ABCA12: variants seen among roughly 807,000 people sequenced by gnomAD.
ABCA12 encodes the protein ATP binding cassette subfamily A member 12.
In ABCA12, 156 loss-of-function variants were observed where a neutral mutation model predicts 293.5. The observed-to-expected ratio is 0.53, with a 90% CI of 0.47 to 0.61. The LOEUF (loss-of-function observed/expected upper bound fraction) is 0.61, where lower values mean the gene tolerates loss of function less well. Ranked by LOEUF, ABCA12 falls within the 20% of genes least tolerant of loss-of-function variation. The probability of loss-of-function intolerance (pLI) is 0.00; values close to 1 mark genes in which losing one functional copy is unlikely to be tolerated. For synonymous variants in ABCA12, 1,063 were observed against 1,108.0 expected, an observed-to-expected ratio of 0.96 and a Z score of 0.81; for missense variants, 2,797 against 3,090.2, an observed-to-expected ratio of 0.91 and a Z score of 2.25.
Position 214,982,401 on chromosome 2 carries a change from G to C in ABCA12, c.4383-18C>G. 1 of 1,598,706 alleles carries C rather than the reference G, an allele frequency of 6.3e-7. No homozygotes were observed. The highest frequency in any genetic ancestry group is 8.6e-7 in the Non-Finnish European group (1 of 1,166,818). On this transcript the variant is annotated intron_variant, in intron 29 of 52. Transcript: ENST00000272895. ...TTAAAGTCCTTCAAAAATAATGTAT[G>C]ATGGTTATTTTTTTACAGATATACT...
At chr2:215,076,211 C>T (rs113588091) in intron 2 of ABCA12, among the ~76,000 whole-genome samples, 235 of 152,258 alleles carry the variant, frequency 1.5e-3, no homozygotes, top group African/African-American at 5.0e-3. Flanking sequence ...TTATGTGACC[C>T]GTGGCTTGCT....
chr2:215,027,346 AAAAAAAAAG>A (rs1473735443), intron 9 of ABCA12, among the ~76,000 whole-genome samples: 1 of 149,892 alleles, frequency 6.7e-6, no homozygotes, highest in Non-Finnish European at 1.5e-5. Context: ...ACTCCATCTC[AAAAAAAAAG>A]AAAAAAAAGA....
chr2:215,074,047 C>T (rs1028220036), intron 2 of ABCA12, among the ~76,000 whole-genome samples: 5 of 152,124 alleles, frequency 3.3e-5, no homozygotes, highest in Non-Finnish European at 5.9e-5. Flanking sequence ...GATTACAGAA[C>T]ATGTCTTCCT....
At position 214,983,809 on chromosome 2, in the gene ABCA12, T is replaced by G; in HGVS notation, c.4220A>C (p.Lys1407Thr). The G allele has an allele frequency of 6.2e-7, 1 of 1,614,108 alleles. No homozygotes were observed. The highest frequency in any genetic ancestry group is 8.5e-7 in the Non-Finnish European group (1 of 1,180,024). Residue 1407 changes from lysine to threonine, a missense_variant, in exon 29 of 53, where the codon AAA (lysine) becomes ACA (threonine). Physicochemically the swap from Lys to Thr is moderately conservative, Grantham distance 78. Transcript: ENST00000272895. ...CGTGTGTAGGTCTGTTTTGATATCT[T>G]TTCCATATACAAAAATGGTGCCTGC... Reference protein sequence around the residue: ...ASAGTIFVYGKDIKTDLHTVR... With the variant: ...ASAGTIFVYGTDIKTDLHTVR...
At chr2:214,991,080 A>C in intron 23 of ABCA12, 49 bp from the exon 24 acceptor site, 1 of 1,526,482 alleles carries the variant, frequency 6.6e-7, no homozygotes, top group Non-Finnish European at 9.1e-7. Context: ...TATTCTTCCA[A>C]ATAAAAATTA....
At chr2:214,987,626 C>T (rs750294360) in intron 27 of ABCA12, 21 bp downstream of exon 27, 7 of 1,606,600 alleles carry the variant, frequency 4.4e-6, no homozygotes, top group Non-Finnish European at 5.1e-6. Context: ...ACAAAGCACG[C>T]TGTTGACCGA....
chr2:214,970,347 C>T lies in ABCA12; in HGVS notation c.5616G>A (p.Gln1872=), dbSNP rs1402583881. The T allele has an allele frequency of 1.2e-6, 2 of 1,612,982 alleles. No homozygotes were observed. Among genetic ancestry groups the T allele is most frequent in the Non-Finnish European group, 1.7e-6 (2 of 1,179,322 alleles). The change falls in exon 37 of 53, where the codon CAG becomes CAA. Residue 1872 remains glutamine (Q), a synonymous_variant. Transcript: ENST00000272895. ...SPPHRRTYSS[Q]VIYNLTGQRV... is the part of the protein sequence containing the mutation. The stretch of plus-strand genomic sequence containing the variant: ...GTTGCCCAGTGAGGTTATAAATTAC[C>T]TGGGATGAGTAAGTTCTTCTGTGCG...
At chr2:214,961,347 A>G (rs981893755) in intron 39 of ABCA12, among the ~76,000 whole-genome samples, 1 of 152,114 alleles carries the variant, frequency 6.6e-6, no homozygotes, top group African/African-American at 2.4e-5. Context: ...TTAGGGTCAA[A>G]ATAAACTTTT....
At chr2:215,040,278 C>T (rs548151787) in intron 7 of ABCA12, among the ~76,000 whole-genome samples, 151 of 152,018 alleles carry the variant, frequency 9.9e-4, no homozygotes, top group African/African-American at 3.4e-3. Flanking sequence ...GCAAACTATA[C>T]AATGGTAGAA....
intron 2 of ABCA12, among the ~76,000 whole-genome samples, chr2:215,106,526 T>C (rs1702467137): frequency 6.6e-6 from 1 of 152,170 alleles, no homozygotes; most frequent in Non-Finnish European, 1.5e-5. Context: ...ATAATAACCA[T>C]GTGAACCTTG....
chr2:215,129,492 A>T (rs2105915851), intron 1 of ABCA12, among the ~76,000 whole-genome samples: 1 of 152,176 alleles, frequency 6.6e-6, no homozygotes, highest in South Asian at 2.1e-4. Context: ...GATATTGAGA[A>T]TTTTTTCATG....
intron 17 of ABCA12, among the ~76,000 whole-genome samples, 154 bp from the exon 18 acceptor site, chr2:215,010,624 GT>G (rs1259984385): frequency 6.6e-6 from 1 of 152,132 alleles, no homozygotes; most frequent in Admixed American, 6.5e-5. Flanking sequence ...TGGTGTCAAA[GT>G]AAGAAAGCAC....
chr2:215,076,176 C>T (rs1360351704), intron 2 of ABCA12, among the ~76,000 whole-genome samples: 1 of 152,166 alleles, frequency 6.6e-6, no homozygotes, highest in African/African-American at 2.4e-5. Flanking sequence ...CTTACCAAGA[C>T]CTCTGCCAAT....
At chr2:214,949,392 A>G (rs1035826634) in intron 45 of ABCA12, among the ~76,000 whole-genome samples, 3 of 151,586 alleles carry the variant, frequency 2.0e-5, no homozygotes, top group Admixed American at 6.6e-5. Flanking sequence ...ACACACACAC[A>G]CACACACACA....
chr2:215,041,816 A>C (rs1232493169), intron 7 of ABCA12, among the ~76,000 whole-genome samples: 1 of 152,222 alleles, frequency 6.6e-6, no homozygotes, highest in Admixed American at 6.5e-5. Flanking sequence ...AAACACAATG[A>C]ATACTATTCA....
rs35686251 is a variant in ABCA12, at chr2:215,095,915, CT to C, written c.163+15681del. ...CAAATCCTATAAAACTGCCCCACCC[CT>C]ATCTTCCTTTGCTGACTCCTTTTTC... On this transcript the variant is annotated intron_variant, in intron 2 of 52. Transcript: ENST00000272895. 7.5e-3 allele frequency among the ~76,000 whole-genome samples: 1,124 copies of C among 150,624 alleles called. 13 individuals are homozygous for C. Among genetic ancestry groups the C allele is most frequent in the African/African-American group, 0.027 (1,090 of 39,922 alleles).
At chr2:214,966,180 A>T (rs1180090955) in intron 39 of ABCA12, among the ~76,000 whole-genome samples, 1 of 152,226 alleles carries the variant, frequency 6.6e-6, no homozygotes, top group African/African-American at 2.4e-5. Flanking sequence ...GTGGGAGCTG[A>T]ATGGTGAGAA....
At chr2:215,026,676 AATC>A in intron 10 of ABCA12, 141 bp downstream of exon 10, 1 of 758,956 alleles carries the variant, frequency 1.3e-6, no homozygotes, top group Non-Finnish European at 2.4e-6. Context: ...TTGTATATCA[AATC>A]ACCAGACTGA....
intron 44 of ABCA12, among the ~76,000 whole-genome samples, chr2:214,953,042 A>C (rs1698828726): frequency 6.6e-6 from 1 of 152,222 alleles, no homozygotes; most frequent in South Asian, 2.1e-4. Context: ...AGGCACTCAC[A>C]ATTAGAGATA....
Sources: gnomAD v4.1 joint callset for allele counts (sites outside exome capture counted in the v4.1 genomes callset) on GRCh38, gnomAD v4.1.1 for gene constraint, MANE v1.5 for transcripts, NCBI Gene and HGNC (gene_info 2026-07-23, HGNC 2026-07-21) for gene names.